Variants in DOCK4 observed in about 807,000 individuals in gnomAD.
DOCK4 encodes the protein dedicator of cytokinesis 4.
DOCK4 carries 97 observed loss-of-function variants against 268.1 expected under a neutral mutation model. That is an observed-to-expected ratio of 0.36 (90% confidence interval 0.31 to 0.43). The LOEUF (loss-of-function observed/expected upper bound fraction) is 0.43, where lower values mean the gene tolerates loss of function less well. Ranked by LOEUF, DOCK4 falls within the 20% of genes least tolerant of loss-of-function variation. The probability of loss-of-function intolerance (pLI) is 1.00; values close to 1 mark genes in which losing one functional copy is unlikely to be tolerated. For missense variants in DOCK4, 2,145 were observed against 2,455.7 expected (o/e 0.87, Z 2.67); for synonymous variants, 954 against 887.2 (o/e 1.08, Z -1.34).
chr7:112,085,508 A>C (rs1808997129), intron 1 of DOCK4, among the ~76,000 whole-genome samples: 1 of 152,170 alleles, frequency 6.6e-6, no homozygotes, highest in Non-Finnish European at 1.5e-5. Context: ...CCAAAAAGTT[A>C]TAAATAAGGA....
chr7:112,042,843 T>C (rs1321208664), intron 1 of DOCK4, among the ~76,000 whole-genome samples: 1 of 152,172 alleles, frequency 6.6e-6, no homozygotes, highest in East Asian at 1.9e-4. Context: ...TGAAGAGTTA[T>C]TTATGTCTTT....
intron 35 of DOCK4, among the ~76,000 whole-genome samples, chr7:111,779,364 C>T (rs1189907845): frequency 6.6e-6 from 1 of 152,096 alleles, no homozygotes; most frequent in Non-Finnish European, 1.5e-5. Flanking sequence ...AATGTTTTTA[C>T]CAAAACTCAA....
At chr7:112,150,906 G>T (rs183375846) in intron 1 of DOCK4, among the ~76,000 whole-genome samples, 61 of 152,260 alleles carry the variant, frequency 4.0e-4, no homozygotes, top group African/African-American at 1.3e-3. Context: ...CTTGGCCCCA[G>T]CCAGACTGGG....
At chr7:111,794,029 TATTTTGTATAAAA>T (rs1799726034) in intron 30 of DOCK4, among the ~76,000 whole-genome samples, 1 of 152,082 alleles carries the variant, frequency 6.6e-6, no homozygotes, top group African/African-American at 2.4e-5. Flanking sequence ...ATTAGAGCTT[TATTTTGTATAAAA>T]ATAACTGGGA....
intron 3 of DOCK4, among the ~76,000 whole-genome samples, chr7:111,999,734 GA>G (rs1469511056): frequency 6.6e-6 from 1 of 150,608 alleles, no homozygotes; most frequent in Non-Finnish European, 1.5e-5. Context: ...TTTTGAGAAT[GA>G]AAATACAAAT....
In DOCK4 at chr7:112,025,225, T is replaced by G. The variant is rs144926402; in HGVS notation, c.38-21094A>C. On this transcript the variant is annotated intron_variant, in intron 1 of 52. Coordinates refer to ENST00000428084, the MANE Select transcript of DOCK4 (RefSeq NM_001363540.2). ...ATTCAGTGATGAATAATAATAATAATAAAAAGCTGCCTTTTCTACCTCATT... is the reference window on the plus strand; with the variant it reads ...ATTCAGTGATGAATAATAATAATAAGAAAAAGCTGCCTTTTCTACCTCATT... Among the ~76,000 whole-genome samples, 717 of 152,206 alleles carry G rather than the reference T, an allele frequency of 4.7e-3. 15 individuals carry two copies. The South Asian group carries it at 0.056, about 12-fold the overall frequency.
At chr7:111,762,570 G>C (rs1563468943) in intron 39 of DOCK4, among the ~76,000 whole-genome samples, 1 of 151,784 alleles carries the variant, frequency 6.6e-6, no homozygotes, top group East Asian at 1.9e-4. Flanking sequence ...GATATGCTGT[G>C]TTTTGTTTAC....
intron 1 of DOCK4, among the ~76,000 whole-genome samples, chr7:112,082,554 A>G (rs1808694572): frequency 6.6e-6 from 1 of 152,214 alleles, no homozygotes; most frequent in Admixed American, 6.5e-5. Context: ...TGTTCGCTAC[A>G]AAATTATTTT....
At chr7:111,909,517 A>G (rs1032990002) in intron 13 of DOCK4, among the ~76,000 whole-genome samples, 21 of 152,266 alleles carry the variant, frequency 1.4e-4, no homozygotes, top group African/African-American at 5.1e-4. Flanking sequence ...AAGACTTGGA[A>G]TCAATCCAAA....
In DOCK4 at chr7:111,833,072, A is replaced by G. The variant is rs144983649; in HGVS notation, c.2835+1516T>C. ...ACGCTTTTCCTATGGGAAATTTTCAAATATGAAGTCATAGACTTCTTAAGT... is the reference window on the plus strand; with the variant it reads ...ACGCTTTTCCTATGGGAAATTTTCAGATATGAAGTCATAGACTTCTTAAGT... On this transcript the variant is annotated intron_variant, in intron 26 of 52. Transcript: ENST00000428084. Among the ~76,000 whole-genome samples the G allele has an allele frequency of 8.6e-3, 1,307 of 152,338 alleles. 21 individuals carry two copies. The highest frequency in any genetic ancestry group is 0.03 in the African/African-American group (1,237 of 41,578).
intron 1 of DOCK4, among the ~76,000 whole-genome samples, chr7:112,193,998 T>C (rs1196343201): frequency 6.6e-6 from 1 of 152,110 alleles, no homozygotes; most frequent in East Asian, 1.9e-4. Context: ...ACACAAATCC[T>C]GTCAGATCAG....
intron 23 of DOCK4, among the ~76,000 whole-genome samples, chr7:111,849,262 C>T (rs1327006479): frequency 2.2e-5 from 3 of 133,364 alleles, no homozygotes; most frequent in African/African-American, 8.4e-5. Flanking sequence ...TTCCTAGTTA[C>T]TTTTTTTTTT....
chr7:111,765,014 GC>G (rs1797680139), intron 39 of DOCK4, 103 bp downstream of exon 39: 2 of 501,354 alleles, frequency 4.0e-6, no homozygotes, highest in East Asian at 7.0e-5. Flanking sequence ...AAAGTCTCAT[GC>G]ATATTATTAC....
At chr7:112,140,425 G>A (rs1353072916) in intron 1 of DOCK4, among the ~76,000 whole-genome samples, 2 of 152,088 alleles carry the variant, frequency 1.3e-5, no homozygotes, top group Non-Finnish European at 2.9e-5. Flanking sequence ...AAAACTGTGA[G>A]GCTGAGCTGT....
chr7:111,811,141 C>A (rs903515555), intron 28 of DOCK4, among the ~76,000 whole-genome samples: 1 of 152,072 alleles, frequency 6.6e-6, no homozygotes, highest in South Asian at 2.1e-4. Context: ...TTTTGATATA[C>A]TATAAGCTAT....
intron 45 of DOCK4, 35 bp downstream of exon 45, chr7:111,741,978 A>G: frequency 6.6e-7 from 1 of 1,526,508 alleles, no homozygotes; most frequent in South Asian, 1.3e-5. Context: ...GGCAGTGATC[A>G]GGCTGCCCCG....
rs764225487 is a variant in DOCK4 at position 111,872,513 on chromosome 7, C to G, written c.1796G>C (p.Gly599Ala). Reference sequence around the variant, plus strand: ...AATTTCTTTTAATTTAGAGAGACAGCCAGTGATCTTGTCTGGGTGGGTTCT... The same window carrying G: ...AATTTCTTTTAATTTAGAGAGACAGGCAGTGATCTTGTCTGGGTGGGTTCT... ...KWRTHPDKIT[G>A]CLSKLKEIDG... Residue 599 changes from glycine (G) to alanine (A), a missense_variant, in exon 18 of 53, where the codon GGC becomes GCC. By Grantham distance (60) the Gly-to-Ala change is moderately conservative. Coordinates refer to ENST00000428084, the MANE Select transcript of DOCK4 (RefSeq NM_001363540.2). 1.0e-5 allele frequency: 16 copies of G among 1,604,374 alleles called. No homozygotes were observed. The African/African-American group carries it at 1.9e-4, about 19-fold the overall frequency.
At chr7:112,138,416 T>G (rs1366097651) in intron 1 of DOCK4, among the ~76,000 whole-genome samples, 1 of 152,240 alleles carries the variant, frequency 6.6e-6, no homozygotes, top group African/African-American at 2.4e-5. Context: ...ATAGGCTTTC[T>G]CTACTTATAG....
In DOCK4 at chr7:111,727,979, T is replaced by TAA. The variant is rs1264383117; in HGVS notation, c.*293_*294dup. On this transcript the variant is annotated 3_prime_UTR_variant, in exon 53 of 53. Transcript: ENST00000428084. ...GACAATATCGTATTGGTTTTAAGATTAAACTATATAAAAAAAAGTGAACAT... is the reference window on the plus strand; with the variant it reads ...GACAATATCGTATTGGTTTTAAGATTAAAAACTATATAAAAAAAAGTGAACAT... 6 of 309,684 alleles carry TAA rather than the reference T, an allele frequency of 1.9e-5. No homozygotes were observed. In the South Asian group the frequency reaches 4.8e-4, roughly 25 times the overall value. The allele number at this position is 309,684 out of a possible 1,614,324, so 19.2% of individuals were successfully genotyped here.
Sources: allele counts gnomAD v4.1 joint callset (sites outside exome capture counted in the v4.1 genomes callset), GRCh38; gene constraint gnomAD v4.1.1; transcripts MANE v1.5; gene names NCBI Gene and HGNC (gene_info 2026-07-23, HGNC 2026-07-21).